Variants in ECT2 observed in about 807,000 individuals in gnomAD.
ECT2 encodes the protein protein ECT2.
A neutral mutation model predicts 116.9 loss-of-function variants in ECT2; 61 were observed. The ratio of observed to expected loss-of-function variants is 0.52; its 90% CI spans 0.42 to 0.65. The LOEUF (loss-of-function observed/expected upper bound fraction) is 0.65, where lower values mean the gene tolerates loss of function less well. Ranked by LOEUF, ECT2 falls within the 30% of genes least tolerant of loss-of-function variation. The pLI is 0.00. For synonymous variants in ECT2, 358 were observed against 346.4 expected, an observed-to-expected ratio of 1.03 and a Z score of -0.37; for missense variants, 937 against 1,078.7, an observed-to-expected ratio of 0.87 and a Z score of 1.84.
At chr3:172,786,662 A>G (rs1284022221) in intron 18 of ECT2, 88 bp downstream of exon 18, 4 of 871,292 alleles carry the variant, frequency 4.6e-6, no homozygotes, top group East Asian at 2.6e-5. Context: ...GAAAATATCA[A>G]TAGCAAATTT....
intron 15 of ECT2, among the ~76,000 whole-genome samples, chr3:172,783,568 T>G (rs984268135): frequency 6.6e-6 from 1 of 152,172 alleles, no homozygotes; most frequent in Non-Finnish European, 1.5e-5. Context: ...TTGTTTTTTT[T>G]CTGAGTCTTC....
At chr3:172,767,146 T>A (rs1014871516) in intron 12 of ECT2, among the ~76,000 whole-genome samples, 2 of 152,128 alleles carry the variant, frequency 1.3e-5, no homozygotes, top group Non-Finnish European at 2.9e-5. Flanking sequence ...CTGTTTTTTT[T>A]AAAAAGCACT....
chr3:172,769,187 C>A, intron 13 of ECT2, 44 bp downstream of exon 13: 3 of 1,525,610 alleles, frequency 2.0e-6, no homozygotes, highest in Non-Finnish European at 2.7e-6. Flanking sequence ...TTCCAGTGTT[C>A]CTAAGTAAAA....
intron 6 of ECT2, 62 bp from the exon 7 acceptor site, chr3:172,760,094 C>T (rs907509727): frequency 9.4e-7 from 1 of 1,059,850 alleles, no homozygotes; most frequent in Non-Finnish European, 1.4e-6. Context: ...GTGGGGTAAA[C>T]ATAGTTTAAA....
At chr3:172,811,213 G>GT (rs112822106) in intron 22 of ECT2, among the ~76,000 whole-genome samples, 1,527 of 152,146 alleles carry the variant, frequency 0.01, 32 homozygotes, top group African/African-American at 0.034. Flanking sequence ...TTCGTTGTTT[G>GT]TTTTTAAAGA....
At chr3:172,766,299 G>A (rs1367412216) in intron 12 of ECT2, among the ~76,000 whole-genome samples, 1 of 152,156 alleles carries the variant, frequency 6.6e-6, no homozygotes, top group African/African-American at 2.4e-5. Context: ...AGGAATAAAA[G>A]TTAAAAATGT....
intron 22 of ECT2, among the ~76,000 whole-genome samples, chr3:172,809,325 TG>T (rs952756911): frequency 6.6e-6 from 1 of 152,138 alleles, no homozygotes; most frequent in African/African-American, 2.4e-5. Context: ...TAATAACATA[TG>T]GAAGAAATTC....
chr3:172,809,312 A>G (rs1166148412), intron 22 of ECT2, among the ~76,000 whole-genome samples: 2 of 152,142 alleles, frequency 1.3e-5, no homozygotes, highest in African/African-American at 4.8e-5. Flanking sequence ...TAGAACTGAA[A>G]TATAATAACA....
intron 16 of ECT2, 28 bp from the exon 17 acceptor site, chr3:172,784,679 T>C (rs984142299): frequency 8.9e-6 from 14 of 1,569,156 alleles, no homozygotes; most frequent in African/African-American, 1.4e-5. Flanking sequence ...AAAACCTTTT[T>C]TGAAATTGTT....
intron 13 of ECT2, among the ~76,000 whole-genome samples, chr3:172,773,015 A>G (rs1351263575): frequency 6.6e-6 from 1 of 152,174 alleles, no homozygotes; most frequent in East Asian, 1.9e-4. Flanking sequence ...ACAGCTTTGT[A>G]GTAAGAAGCT....
At chr3:172,828,451 A>G in the ECT2 span, among the ~76,000 whole-genome samples, 1 of 152,128 alleles carries the variant, frequency 6.6e-6, no homozygotes, top group South Asian at 2.1e-4. Context: ...CAGAAGTGAA[A>G]GAATCTGTTT....
chr3:172,782,559 C>G, intron 15 of ECT2, among the ~76,000 whole-genome samples: 1 of 152,102 alleles, frequency 6.6e-6, no homozygotes, highest in Non-Finnish European at 1.5e-5. Context: ...ATTTTAAGTT[C>G]AGGAGTACAT....
At chr3:172,801,218 A>G (rs1465230451) in intron 18 of ECT2, among the ~76,000 whole-genome samples, 2 of 152,018 alleles carry the variant, frequency 1.3e-5, no homozygotes, top group African/African-American at 4.8e-5. Flanking sequence ...AGAGCTAGAT[A>G]TTTTTGTATT....
rs149545099 is a variant in ECT2 at position 172,764,372 on chromosome 3, C to A, written c.1163C>A (p.Ala388Asp). 1.1e-5 allele frequency: 17 copies of A among 1,614,032 alleles called. No homozygotes were observed. Among genetic ancestry groups the A allele is most frequent in the Non-Finnish European group, 1.4e-5 (17 of 1,180,006 alleles). The change falls in exon 12 of 25, where the codon GCT becomes GAT. Residue 388 changes from alanine to aspartate, a missense_variant. Physicochemically the swap from Ala to Asp is moderately radical, Grantham distance 126. Coordinates refer to ENST00000392692, the MANE Select transcript of ECT2 (RefSeq NM_001258315.2). ...RKRRRLKETL[A>D]QLSRETDVSP... is the part of the protein sequence containing the mutation. ...CGACGTCGTTTAAAAGAAACACTTG[C>A]TCAGCTTTCAAGAGAGACAGACGTG...
chr3:172,805,666 T>G (rs947962288), intron 20 of ECT2, 65 bp from the exon 21 acceptor site: 1 of 1,480,290 alleles, frequency 6.8e-7, no homozygotes, highest in African/African-American at 1.4e-5. Context: ...GCTATTTTAT[T>G]TTTTAAGTAT....
At chr3:172,783,775 T>TG in intron 15 of ECT2, 24 bp from the exon 16 acceptor site, 1 of 1,429,516 alleles carries the variant, frequency 7.0e-7, no homozygotes, top group South Asian at 1.2e-5. Flanking sequence ...TAATAAATAA[T>TG]GTTTTTTTCC....
rs149416298 is a variant in ECT2, at chr3:172,753,994, A to C, written c.-22-515A>C. On this transcript the variant is annotated intron_variant, in intron 1 of 24. Transcript: ENST00000392692. ...TAAAGTTGTGTGGAGCTGGTTTATT[A>C]GACCAAGTGACCATTGTGTCATTGA... is the stretch of plus-strand genomic sequence containing the variant. Among the ~76,000 whole-genome samples, 376 of 152,316 alleles carry C rather than the reference A, an allele frequency of 2.5e-3. 3 individuals carry two copies. Among genetic ancestry groups the C allele is most frequent in the African/African-American group, 8.6e-3 (359 of 41,568 alleles).
chr3:172,772,085 C>T (rs58338990), intron 13 of ECT2, among the ~76,000 whole-genome samples: 9,328 of 151,830 alleles, frequency 0.061, 965 homozygotes, highest in African/African-American at 0.21. Flanking sequence ...ACTGCAGCCT[C>T]TGCCTTCTGG....
At chr3:172,816,307 C>T (rs1306374935) in intron 23 of ECT2, among the ~76,000 whole-genome samples, 4 of 152,026 alleles carry the variant, frequency 2.6e-5, no homozygotes, top group Admixed American at 2.0e-4. Flanking sequence ...TATCATTTAA[C>T]ATTTATGATG....
Sources: allele counts gnomAD v4.1 joint callset (sites outside exome capture counted in the v4.1 genomes callset), GRCh38; gene constraint gnomAD v4.1.1; transcripts MANE v1.5; gene names NCBI Gene and HGNC (gene_info 2026-07-23, HGNC 2026-07-21).